Variants in NOX3 observed in about 807,000 individuals in gnomAD.
NOX3 encodes NADPH oxidase 3.
Under a neutral mutation model 76.7 loss-of-function variants are expected in NOX3, and 74 were observed. That is an observed-to-expected ratio of 0.96 (90% confidence interval 0.80 to 1.17). The LOEUF (loss-of-function observed/expected upper bound fraction) is 1.17, where lower values mean the gene tolerates loss of function less well. NOX3 is among the 50% of genes most tolerant of loss of function. The pLI, the probability that NOX3 is intolerant of heterozygous loss-of-function variation, is 0.00. For synonymous variants in NOX3, 263 were observed against 261.1 expected (o/e 1.01, Z -0.07); for missense variants, 695 against 703.3 (o/e 0.99, Z 0.13).
At chr6:155,399,786 T>C (rs1384184995) in intron 12 of NOX3, among the ~76,000 whole-genome samples, 2 of 151,674 alleles carry the variant, frequency 1.3e-5, no homozygotes, top group African/African-American at 4.8e-5. Context: ...CCTAATGGGG[T>C]TGGTAAAGAA....
Position 155,395,381 on chromosome 6 carries a change from T to C in NOX3, c.*221A>G, listed in dbSNP as rs547268862. ...GTTAAGAAGCCTTTGAGAAACATAA[T>C]ATATTTTAATTTCAGTAAATGTTTT... On this transcript the variant is annotated 3_prime_UTR_variant, in exon 14 of 14. Coordinates refer to ENST00000159060, the MANE Select transcript of NOX3 (RefSeq NM_015718.3). The C allele has an allele frequency of 6.2e-4, 94 of 152,334 alleles. No homozygotes were observed. Among genetic ancestry groups the C allele is most frequent in the African/African-American group, 2.3e-3 (94 of 41,590 alleles). The allele number at this position is 152,334 out of a possible 1,614,324, so 9.4% of individuals were successfully genotyped here. A position where few individuals can be genotyped will look rare whatever the true frequency, so the allele number is the denominator to read the frequency against.
chr6:155,428,948 A>G lies in NOX3; in HGVS notation c.991T>C (p.Ser331Pro). The G allele has an allele frequency of 1.2e-6, 2 of 1,614,028 alleles. No homozygotes were observed. Among genetic ancestry groups the G allele is most frequent in the South Asian group, 1.1e-5 (1 of 91,058 alleles). The change falls in exon 9 of 14, where the codon TCT becomes CCT. Residue 331 changes from serine (S) to proline (P), a missense_variant. Ser to Pro is a moderately conservative substitution (Grantham distance 74, BLOSUM62 -1). Coordinates refer to ENST00000159060, the MANE Select transcript of NOX3 (RefSeq NM_015718.3). Reference protein sequence around the residue: ...QYILVQCPAISSLEWHPFTLT... With the variant: ...QYILVQCPAIPSLEWHPFTLT... ...GTGAAGGGGTGCCACTCCAGCGAAG[A>G]TATGGCTGGGCACTGCACCAAGATG...
intron 7 of NOX3, among the ~76,000 whole-genome samples, chr6:155,433,662 G>A (rs958927625): frequency 6.6e-6 from 1 of 152,216 alleles, no homozygotes; most frequent in African/African-American, 2.4e-5. Context: ...GCAGAGTGCT[G>A]ACAAAATGGC....
At chr6:155,420,588 T>C (rs1341914584) in intron 10 of NOX3, among the ~76,000 whole-genome samples, 1 of 152,184 alleles carries the variant, frequency 6.6e-6, no homozygotes, top group East Asian at 1.9e-4. Context: ...TCTCTGTGTG[T>C]CAGGGTCCTC....
chr6:155,418,158 C>T (rs1776643680), intron 10 of NOX3, among the ~76,000 whole-genome samples: 1 of 152,116 alleles, frequency 6.6e-6, no homozygotes, highest in Admixed American at 6.5e-5. Context: ...CCTCCCCCTC[C>T]CTCCCCATTC....
At chr6:155,419,123 T>A (rs1582933565) in intron 10 of NOX3, among the ~76,000 whole-genome samples, 1 of 152,214 alleles carries the variant, frequency 6.6e-6, no homozygotes, top group Non-Finnish European at 1.5e-5. Context: ...GAAGGAGTAG[T>A]CTTTATATCT....
chr6:155,443,416 T>C lies in NOX3; in HGVS notation c.343A>G (p.Ile115Val). Reference sequence around the variant, plus strand: ...TTGAAGAAATGCGCCACGATGTGGATGGCTAGGACAAGGAGATGACACCAA... The same window carrying C: ...TTGAAGAAATGCGCCACGATGTGGACGGCTAGGACAAGGAGATGACACCAA... ...VAYGIAVNAT[I>V]HIVAHFFNLE... Residue 115 changes from isoleucine to valine, a missense_variant and splice_region_variant, in exon 5 of 14, where the codon ATC (isoleucine) becomes GTC (valine). By Grantham distance (29) the Ile-to-Val change is conservative. Transcript: ENST00000159060. The C allele has an allele frequency of 6.2e-7, 1 of 1,613,808 alleles. No homozygotes were observed. The highest frequency in any genetic ancestry group is 8.5e-7 in the Non-Finnish European group (1 of 1,179,800).
intron 6 of NOX3, among the ~76,000 whole-genome samples, chr6:155,438,322 C>T (rs752555656): frequency 6.6e-6 from 1 of 152,186 alleles, no homozygotes; most frequent in Non-Finnish European, 1.5e-5. Flanking sequence ...TTGAGATTTC[C>T]ACATTCAGAA....
chr6:155,455,591 T>A (rs931254148), intron 1 of NOX3, among the ~76,000 whole-genome samples, 162 bp downstream of exon 1: 1 of 152,222 alleles, frequency 6.6e-6, no homozygotes, highest in African/African-American at 2.4e-5. Flanking sequence ...CATGATTCTA[T>A]AAGGGGAAAT....
intron 11 of NOX3, among the ~76,000 whole-genome samples, chr6:155,410,421 A>C (rs565251651): frequency 6.6e-6 from 1 of 152,280 alleles, no homozygotes; most frequent in South Asian, 2.1e-4. Context: ...CTTTCCTTAA[A>C]AGTATATATC....
intron 4 of NOX3, among the ~76,000 whole-genome samples, chr6:155,445,869 C>T (rs1207913331): frequency 7.3e-6 from 1 of 136,414 alleles, no homozygotes; most frequent in African/African-American, 2.7e-5. Context: ...CTGACATATA[C>T]ATATATATAT....
At chr6:155,406,143 G>A (rs913092716) in intron 12 of NOX3, among the ~76,000 whole-genome samples, 2 of 152,148 alleles carry the variant, frequency 1.3e-5, no homozygotes, top group Non-Finnish European at 2.9e-5. Context: ...ACAATATTAG[G>A]ACATGCCGAC....
chr6:155,450,232 G>T (rs1460368494), intron 4 of NOX3, among the ~76,000 whole-genome samples: 1 of 152,178 alleles, frequency 6.6e-6, no homozygotes, highest in Non-Finnish European at 1.5e-5. Flanking sequence ...ACACTTGATT[G>T]TCTCCAGGGA....
chr6:155,413,845 C>A (rs1441741059), intron 10 of NOX3, among the ~76,000 whole-genome samples: 1 of 152,134 alleles, frequency 6.6e-6, no homozygotes, highest in Non-Finnish European at 1.5e-5. Flanking sequence ...AAAACACATT[C>A]ATAGATGGAT....
chr6:155,436,447 C>G lies in NOX3; in HGVS notation c.769G>C (p.Val257Leu). 1 of 1,614,052 alleles carries G rather than the reference C, an allele frequency of 6.2e-7. No individual in the cohort carries two copies. The part of the protein sequence containing the change: ...AEWQTVAQCP[V>L]PQFSGKEPSA... Reference sequence around the variant, plus strand: ...GGTTCCTTGCCAGAAAATTGAGGCACGGGGCATTGGGCCACTGTCTGCCAT... The same window carrying G: ...GGTTCCTTGCCAGAAAATTGAGGCAGGGGGCATTGGGCCACTGTCTGCCAT... Residue 257 changes from valine to leucine, a missense_variant, in exon 7 of 14, where the codon GTG becomes CTG. By Grantham distance (32) the Val-to-Leu change is conservative. Coordinates refer to ENST00000159060, the MANE Select transcript of NOX3 (RefSeq NM_015718.3).
At chr6:155,426,982 G>GGCGTGTGC (rs375465764) in intron 9 of NOX3, among the ~76,000 whole-genome samples, 6 of 78,906 alleles carry the variant, frequency 7.6e-5, no homozygotes, top group African/African-American at 1.0e-4. Context: ...TAGACACTGT[G>GGCGTGTGC]GCGTGTGTGT....
At chr6:155,436,838 A>T (rs1403321983) in intron 6 of NOX3, among the ~76,000 whole-genome samples, 1 of 152,252 alleles carries the variant, frequency 6.6e-6, no homozygotes, top group Admixed American at 6.5e-5. Context: ...TTGTTTGAAC[A>T]CATCCTTTTG....
chr6:155,404,128 T>TATATA (rs200744490), intron 12 of NOX3, among the ~76,000 whole-genome samples: 1 of 91,558 alleles, frequency 1.1e-5, no homozygotes, highest in African/African-American at 5.1e-5. Flanking sequence ...TATATATATA[T>TATATA]TTTTTTTTTC....
rs1776478850 is a variant in NOX3, at chr6:155,407,383, C to A, written c.1456-129G>T. ...TGTGTACAGGGCTGGCAATGCTTAT[C>A]ACTATTTGCAGATGTCTCCAATGCT... is the stretch of plus-strand genomic sequence containing the variant. On this transcript the variant is annotated intron_variant, in intron 11 of 13. Transcript: ENST00000159060. 8.2e-6 allele frequency: 7 copies of A among 852,092 alleles called. No individual in the cohort carries two copies. In the South Asian group the frequency reaches 1.1e-4, roughly 14 times the overall value. The allele number at this position is 852,092 out of a possible 1,614,324, so 52.8% of individuals were successfully genotyped here.
Sources: gnomAD v4.1 joint callset for allele counts (sites outside exome capture counted in the v4.1 genomes callset) on GRCh38, gnomAD v4.1.1 for gene constraint, MANE v1.5 for transcripts, NCBI Gene and HGNC (gene_info 2026-07-23, HGNC 2026-07-21) for gene names.